Variants in MBD5 observed in about 807,000 individuals in gnomAD.
The protein encoded by MBD5 is methyl-CpG binding domain protein 5.
In MBD5, 13 loss-of-function variants were observed where a neutral mutation model predicts 117.3. That is an observed-to-expected ratio of 0.11 (90% CI 0.07 to 0.18). The LOEUF (loss-of-function observed/expected upper bound fraction) is 0.18. Among genes scored for constraint, MBD5 ranks in the 10% least tolerant of loss-of-function variants. The pLI is 1.00. For synonymous variants in MBD5, 727 were observed against 766.4 expected, an observed-to-expected ratio of 0.95 and a Z score of 0.85; for missense variants, 1,879 against 2,093.8, an observed-to-expected ratio of 0.90 and a Z score of 2.00.
chr2:148,060,132 CAAAAAAAAAA>C (rs35925701), intron 1 of MBD5, among the ~76,000 whole-genome samples: 5 of 14,042 alleles, frequency 3.6e-4, no homozygotes, highest in East Asian at 2.6e-3. Flanking sequence ...ACAAAAAGTG[CAAAAAAAAAA>C]AAAAAAAAAA....
At chr2:148,327,075 T>G (rs1702472853) in intron 3 of MBD5, among the ~76,000 whole-genome samples, 1 of 152,064 alleles carries the variant, frequency 6.6e-6, no homozygotes, top group Non-Finnish European at 1.5e-5. Context: ...GTAAAGTATT[T>G]TATTTCTCCA....
intron 4 of MBD5, among the ~76,000 whole-genome samples, chr2:148,400,767 T>C (rs1704894517): frequency 6.6e-6 from 1 of 152,186 alleles, no homozygotes; most frequent in African/African-American, 2.4e-5. Context: ...AAATGTCTTT[T>C]TTATGTCATA....
intron 3 of MBD5, among the ~76,000 whole-genome samples, chr2:148,239,019 T>TACACAC (rs10692364): frequency 0.28 from 42,484 of 149,702 alleles, 6,170 homozygotes; most frequent in Middle Eastern, 0.33. Context: ...ATATATTATA[T>TACACAC]ACACACACAC....
intron 3 of MBD5, among the ~76,000 whole-genome samples, chr2:148,242,976 C>T (rs190939774): frequency 5.9e-5 from 9 of 152,246 alleles, no homozygotes; most frequent in African/African-American, 1.9e-4. Context: ...ACAGGGGAAA[C>T]TGGTTGAGGT....
chr2:148,464,862 T>G (rs1459005271), intron 7 of MBD5, among the ~76,000 whole-genome samples: 1 of 151,012 alleles, frequency 6.6e-6, no homozygotes, highest in Non-Finnish European at 1.5e-5. Flanking sequence ...TCTTAGCTAC[T>G]TAGAAGGCTG....
intron 3 of MBD5, among the ~76,000 whole-genome samples, chr2:148,301,638 G>A (rs147621441): frequency 1.3e-5 from 2 of 152,236 alleles, no homozygotes; most frequent in African/African-American, 4.8e-5. Flanking sequence ...GGGGAATTAC[G>A]TCCCTTTTCC....
chr2:148,342,671 T>C (rs1314831284), intron 4 of MBD5, among the ~76,000 whole-genome samples: 4 of 152,126 alleles, frequency 2.6e-5, no homozygotes, highest in Non-Finnish European at 5.9e-5. Context: ...ATAGTTACAA[T>C]AATTATGACT....
At chr2:148,337,659 T>G (rs1702832664) in intron 3 of MBD5, among the ~76,000 whole-genome samples, 1 of 147,856 alleles carries the variant, frequency 6.8e-6, no homozygotes, top group Non-Finnish European at 1.5e-5. Flanking sequence ...TAAAATTCTA[T>G]GTCATGTGAA....
At chr2:148,356,968 C>G (rs1296928191) in intron 4 of MBD5, among the ~76,000 whole-genome samples, 2 of 151,930 alleles carry the variant, frequency 1.3e-5, no homozygotes, top group Non-Finnish European at 2.9e-5. Flanking sequence ...TATGGATAAT[C>G]AATTTTTTAA....
intron 4 of MBD5, among the ~76,000 whole-genome samples, chr2:148,368,787 A>T (rs1245059051): frequency 3.9e-5 from 6 of 152,176 alleles, no homozygotes; most frequent in Admixed American, 3.9e-4. Context: ...CAGAATGCCA[A>T]CTAATAGAAG....
At chr2:148,340,033 C>T (rs1344799432) in intron 3 of MBD5, among the ~76,000 whole-genome samples, 7 of 152,004 alleles carry the variant, frequency 4.6e-5, no homozygotes, top group Non-Finnish European at 8.8e-5. Flanking sequence ...ATTTGGGTCC[C>T]TCTCTCCCTT....
At chr2:148,344,901 C>G (rs909264039) in intron 4 of MBD5, among the ~76,000 whole-genome samples, 8 of 151,778 alleles carry the variant, frequency 5.3e-5, no homozygotes, top group Non-Finnish European at 7.4e-5. Flanking sequence ...AAGAGAATCT[C>G]TAAAAGTAAG....
chr2:148,406,124 G>A (rs771978077), intron 4 of MBD5, among the ~76,000 whole-genome samples: 1 of 152,102 alleles, frequency 6.6e-6, no homozygotes, highest in Non-Finnish European at 1.5e-5. Flanking sequence ...GAGCCATGAG[G>A]CAGAGGTTGC....
intron 11 of MBD5, among the ~76,000 whole-genome samples, chr2:148,497,412 G>T (rs1223488625): frequency 6.6e-6 from 1 of 152,064 alleles, no homozygotes; most frequent in East Asian, 1.9e-4. Flanking sequence ...AGGAGGCCAG[G>T]CACAGTGGCT....
intron 4 of MBD5, among the ~76,000 whole-genome samples, chr2:148,396,094 C>T (rs1333469205): frequency 6.6e-6 from 1 of 152,174 alleles, no homozygotes; most frequent in Non-Finnish European, 1.5e-5. Context: ...TTCACATTCT[C>T]ATCTCTCATT....
intron 1 of MBD5, among the ~76,000 whole-genome samples, chr2:148,153,661 A>T (rs1259361926): frequency 2.4e-5 from 3 of 127,424 alleles, no homozygotes; most frequent in Non-Finnish European, 3.3e-5. Context: ...TTTTCTCTAA[A>T]CTTCCCTTCT....
At chr2:148,208,872 C>A (rs1269147148) in intron 2 of MBD5, among the ~76,000 whole-genome samples, 1 of 151,958 alleles carries the variant, frequency 6.6e-6, no homozygotes, top group Non-Finnish European at 1.5e-5. Context: ...TCATCAAATA[C>A]CTCTGTTCTA....
chr2:148,289,824 GAA>G (rs1310946481), intron 3 of MBD5, among the ~76,000 whole-genome samples: 1 of 144,830 alleles, frequency 6.9e-6, no homozygotes, highest in East Asian at 2.0e-4. Flanking sequence ...AATGAAAGCA[GAA>G]AAAAAGTCTG....
chr2:148,485,830 A>C lies in MBD5; in HGVS notation c.3633A>C (p.Pro1211=). The C allele has an allele frequency of 1.2e-6, 2 of 1,614,110 alleles. No homozygotes were observed. Among genetic ancestry groups the C allele is most frequent in the Non-Finnish European group, 1.7e-6 (2 of 1,179,946 alleles). ...SLLNNNQMFP[P]NQQQQQLLQG... is the part of the protein sequence containing the mutation. ...TAAACAACAATCAGATGTTTCCTCCAAATCAGCAACAGCAGCAACTTCTCC... is the reference window on the plus strand; with the variant it reads ...TAAACAACAATCAGATGTTTCCTCCCAATCAGCAACAGCAGCAACTTCTCC... The change falls in exon 10 of 14, where the codon CCA becomes CCC. Residue 1211 remains proline, a synonymous_variant. Transcript: ENST00000642680.
Sources: gnomAD v4.1 joint callset for allele counts (sites outside exome capture counted in the v4.1 genomes callset) on GRCh38, gnomAD v4.1.1 for gene constraint, MANE v1.5 for transcripts, NCBI Gene and HGNC (gene_info 2026-07-23, HGNC 2026-07-21) for gene names.